The following MICALL1 variants were observed in gnomAD, a reference collection of about 807,000 sequenced individuals.
The protein encoded by MICALL1 is MICAL like 1.
A neutral mutation model predicts 83.7 loss-of-function variants in MICALL1; 61 were observed. The ratio of observed to expected loss-of-function variants is 0.73; its 90% CI spans 0.59 to 0.90. MICALL1 has a LOEUF of 0.90. MICALL1 is among the 40% of genes least tolerant of loss of function. The pLI, the probability that MICALL1 is intolerant of heterozygous loss-of-function variation, is 0.00. For missense variants in MICALL1, 1,066 were observed against 1,152.0 expected, an observed-to-expected ratio of 0.93 and a Z score of 1.08; for synonymous variants, 481 against 473.6, an observed-to-expected ratio of 1.02 and a Z score of -0.20.
rs1207018909 is a variant in MICALL1, at chr22:37,927,539, G to T, written c.1594G>T (p.Ala532Ser). The T allele has an allele frequency of 1.9e-6, 3 of 1,613,712 alleles. No homozygotes were observed. Among genetic ancestry groups the T allele is most frequent in the East Asian group, 2.2e-5 (1 of 44,864 alleles). Residue 532 changes from alanine (A) to serine (S), a missense_variant, in exon 9 of 16, where the codon GCT (alanine) becomes TCT (serine). Transcript: ENST00000215957. Reference protein sequence around the residue: ...TAGAELLEPPAVPKSSSEPAV... With the variant: ...TAGAELLEPPSVPKSSSEPAV... ...AGGTGCAGAGCTTCTGGAGCCGCCA[G>T]CTGTGCCCAAGAGCTCCTCAGAGCC... is the stretch of plus-strand genomic sequence containing the variant.
Position 37,937,092 on chromosome 22 carries a change from CGGA to C in MICALL1, c.2328_2330del (p.Glu776del). 6.4e-7 allele frequency: 1 copy of C among 1,551,460 alleles called. No homozygotes were observed. Among genetic ancestry groups the C allele is most frequent in the Non-Finnish European group, 8.7e-7 (1 of 1,146,918 alleles). On this transcript the variant is annotated inframe_deletion, in exon 14 of 16. Coordinates refer to ENST00000215957, the MANE Select transcript of MICALL1 (RefSeq NM_033386.4). The stretch of plus-strand genomic sequence containing the variant: ...TCTCCCTGGGCAGAAAAGGACTGGA[CGGA>C]GGAGGACCGGGCCCGGGAGAAGGTG...
intron 8 of MICALL1, 179 bp from the exon 9 acceptor site, chr22:37,927,232 A>C (rs1929500930): frequency 1.5e-6 from 1 of 670,874 alleles, no homozygotes; most frequent in Non-Finnish European, 2.3e-6. Context: ...GGCTGGATGC[A>C]CCTCATGACT....
At position 37,925,679 on chromosome 22, in the gene MICALL1, G is replaced by C; in HGVS notation, c.1101G>C (p.Lys367Asn). ...KPSEGTPAPR[K>N]DPPWITLVQA... ...CCTCCAGGACACCAGCCCCCAGGAA[G>C]GACCCCCCATGGATCACGCTGGTGC... The change falls in exon 8 of 16, where the codon AAG becomes AAC. Residue 367 changes from lysine (K) to asparagine (N), a missense_variant. Lys to Asn is a moderately conservative substitution (Grantham distance 94). Coordinates refer to ENST00000215957, the MANE Select transcript of MICALL1 (RefSeq NM_033386.4). The C allele has an allele frequency of 6.2e-7, 1 of 1,601,816 alleles. No homozygotes were observed. Among genetic ancestry groups the C allele is most frequent in the Non-Finnish European group, 8.5e-7 (1 of 1,173,874 alleles).
At position 37,927,488 on chromosome 22, in the gene MICALL1, T is replaced by C. The variant is rs1413684571; in HGVS notation, c.1543T>C (p.Ser515Pro). ...PSPALSVESL[S>P]SESASQTAGA... ...GCCAGCGCTCAGCGTGGAGAGCCTG[T>C]CGTCTGAGAGCGCCAGCCAGACTGC... The change falls in exon 9 of 16, where the codon TCG becomes CCG. Residue 515 changes from serine (S) to proline (P), a missense_variant. Physicochemically the swap from Ser to Pro is moderately conservative, Grantham distance 74. Transcript: ENST00000215957. 1.2e-6 allele frequency: 2 copies of C among 1,612,000 alleles called. No homozygotes were observed. Among genetic ancestry groups the C allele is most frequent in the East Asian group, 4.5e-5 (2 of 44,778 alleles).
chr22:37,922,428 TGAG>T lies in MICALL1; in HGVS notation c.1024+3_1024+5del, dbSNP rs1219881775. On this transcript the variant is annotated splice_donor_5th_base_variant and intron_variant, in intron 6 of 15. Coordinates refer to ENST00000215957, the MANE Select transcript of MICALL1 (RefSeq NM_033386.4). ...CTGGCAGCAGCAGCCTGGTGAACGG[TGAG>T]CAGGGTGCAGTCAGGGCAGGGGGCA... 1 of 1,515,150 alleles carries T rather than the reference TGAG, an allele frequency of 6.6e-7. No individual in the cohort carries two copies. The highest frequency in any genetic ancestry group is 8.8e-7 in the Non-Finnish European group (1 of 1,136,566). 93.9% of individuals were successfully genotyped at this position (1,515,150 alleles called of 1,614,324 possible).
At chr22:37,908,561 A>G (rs968365841) in intron 1 of MICALL1, among the ~76,000 whole-genome samples, 2 of 152,234 alleles carry the variant, frequency 1.3e-5, no homozygotes, top group South Asian at 4.1e-4. Flanking sequence ...CAGCCTCCCA[A>G]AATGCTGGGA....
chr22:37,929,259 G>A (rs1196461239), intron 9 of MICALL1, among the ~76,000 whole-genome samples: 19 of 152,204 alleles, frequency 1.2e-4, no homozygotes, highest in East Asian at 9.6e-4. Context: ...GGGTCTCCCC[G>A]CCATGGAACA....
chr22:37,934,280 G>A (rs1026558533), intron 13 of MICALL1, among the ~76,000 whole-genome samples: 5 of 152,186 alleles, frequency 3.3e-5, no homozygotes, highest in African/African-American at 7.2e-5. Flanking sequence ...CATTGCTTGG[G>A]GGCATCAGGC....
intron 9 of MICALL1, among the ~76,000 whole-genome samples, chr22:37,929,304 A>G (rs1468824866): frequency 2.6e-5 from 4 of 152,156 alleles, no homozygotes; most frequent in Non-Finnish European, 4.4e-5. Context: ...TCCCATGTGC[A>G]TGGCTGCCTG....
intron 3 of MICALL1, among the ~76,000 whole-genome samples, chr22:37,916,325 A>C (rs1208630630): frequency 6.6e-6 from 1 of 152,174 alleles, no homozygotes; most frequent in Non-Finnish European, 1.5e-5. Context: ...TACCTTCTCT[A>C]ATAAATCTGC....
At position 37,940,783 on chromosome 22, in the gene MICALL1, G is replaced by A. The variant is rs142703004; in HGVS notation, c.2545G>A (p.Gly849Arg). 43 of 1,614,028 alleles carry A rather than the reference G, an allele frequency of 2.7e-5. No homozygotes were observed. The highest frequency in any genetic ancestry group is 3.5e-5 in the Non-Finnish European group (41 of 1,180,006). The change falls in exon 16 of 16, where the codon GGA (glycine) becomes AGA (arginine). Residue 849 changes from glycine (G) to arginine (R), a missense_variant. Gly to Arg is a moderately radical substitution (Grantham distance 125). Coordinates refer to ENST00000215957, the MANE Select transcript of MICALL1 (RefSeq NM_033386.4). ...GACCATGAAGATGTTGAAACTGCTA[G>A]GAAACAAACGTGATGCCAAGAGCAA... Reference protein sequence around the residue: ...FKTMKMLKLLGNKRDAKSKSP... With the variant: ...FKTMKMLKLLRNKRDAKSKSP...
Position 37,918,936 on chromosome 22 carries a change from A to G in MICALL1, c.427-100A>G, listed in dbSNP as rs1928844743. 4 of 1,369,592 alleles carry G rather than the reference A, an allele frequency of 2.9e-6. No homozygotes were observed. In the South Asian group the frequency reaches 6.4e-5, roughly 22 times the overall value. The allele number at this position is 1,369,592 out of a possible 1,614,324, so 84.8% of individuals were successfully genotyped here. On this transcript the variant is annotated intron_variant, in intron 4 of 15. Coordinates refer to ENST00000215957, the MANE Select transcript of MICALL1 (RefSeq NM_033386.4). ...CACCACGAAGCCTGGTGCACACTTG[A>G]GTGACGGTGGCCGTTGGAGGGAGGG...
At chr22:37,913,498 G>T (rs76717136) in intron 3 of MICALL1, among the ~76,000 whole-genome samples, 133 of 152,326 alleles carry the variant, frequency 8.7e-4, no homozygotes, top group Non-Finnish European at 1.6e-3. Flanking sequence ...TTTTCCTCCA[G>T]CAGGGAAGTG....
At position 37,917,770 on chromosome 22, in the gene MICALL1, C is replaced by T; in HGVS notation, c.401C>T (p.Pro134Leu). 6.8e-6 allele frequency: 11 copies of T among 1,613,910 alleles called. No individual in the cohort carries two copies. The highest frequency in any genetic ancestry group is 8.5e-6 in the Non-Finnish European group (10 of 1,179,882). Residue 134 changes from proline to leucine, a missense_variant, in exon 4 of 16, where the codon CCA (proline) becomes CTA (leucine). Physicochemically the swap from Pro to Leu is moderately conservative, Grantham distance 98 (BLOSUM62 -3). Transcript: ENST00000215957. ...TCCCCGCCGTCTGTAGCACCCACTCCAGTGGAACCAGAAGATGTGGCTCAG... is the reference window on the plus strand; with the variant it reads ...TCCCCGCCGTCTGTAGCACCCACTCTAGTGGAACCAGAAGATGTGGCTCAG... ...PCSPPSVAPT[P>L]VEPEDVAQGE...
At chr22:37,937,242 T>G in intron 14 of MICALL1, 48 bp downstream of exon 14, 1 of 1,347,320 alleles carries the variant, frequency 7.4e-7, no homozygotes, top group Non-Finnish European at 1.0e-6. Flanking sequence ...CCAGAGCAGG[T>G]CAGGCTCTGG....
rs1208547981 is a variant in MICALL1 at position 37,929,738 on chromosome 22, C to A, written c.1881+1912C>A. Among the ~76,000 whole-genome samples the A allele has an allele frequency of 2.0e-5, 3 of 152,214 alleles. No homozygotes were observed. The East Asian group carries it at 5.8e-4, about 29-fold the overall frequency. On this transcript the variant is annotated intron_variant, in intron 9 of 15. Transcript: ENST00000215957. ...TCTGGGCACCCAGTTCATGAGGGCC[C>A]TGTCTTGCAGCCACAGCGCCTTTGG...
rs983455382 is a variant in MICALL1 at position 37,906,383 on chromosome 22, G to A, written c.-40G>A. The A allele has an allele frequency of 3.8e-6, 4 of 1,065,424 alleles. No homozygotes were observed. Among genetic ancestry groups the A allele is most frequent in the Middle Eastern group, 4.3e-4 (1 of 2,322 alleles). 66.0% of individuals were successfully genotyped at this position (1,065,424 alleles called of 1,614,324 possible). A position where few individuals can be genotyped will look rare whatever the true frequency, so the allele number is the denominator to read the frequency against. On this transcript the variant is annotated 5_prime_UTR_variant, in exon 1 of 16. Transcript: ENST00000215957. The surrounding 1 kb of genome is among the most constrained non-coding windows in gnomAD (Gnocchi z 4.4). ...CGGCCGCCGTCCCGGCCAAGCCGGG[G>A]CCCCGAAGCCAGAGCCGGAGCCGGG...
intron 5 of MICALL1, among the ~76,000 whole-genome samples, chr22:37,921,553 A>G (rs1482296742): frequency 6.6e-6 from 1 of 152,220 alleles, no homozygotes; most frequent in Non-Finnish European, 1.5e-5. Flanking sequence ...AGCCTGGACA[A>G]CAAGAGTGAG....
In MICALL1 at chr22:37,931,948, C is replaced by T. The variant is rs753999694; in HGVS notation, c.2016+15C>T. ...TCAAACGCAAGGTACCAGCTGGGAG[C>T]CCCCCGAGACCAGGCTGGCCTGGGC... On this transcript the variant is annotated intron_variant, in intron 10 of 15. Coordinates refer to ENST00000215957, the MANE Select transcript of MICALL1 (RefSeq NM_033386.4). 1.1e-5 allele frequency: 17 copies of T among 1,611,264 alleles called. No individual in the cohort carries two copies. In the East Asian group the frequency reaches 3.1e-4, roughly 30 times the overall value.
Sources: gnomAD v4.1 joint callset for allele counts (sites outside exome capture counted in the v4.1 genomes callset) on GRCh38, gnomAD v4.1.1 for gene constraint, Gnocchi (gnomAD v3.1) non-coding constraint, MANE v1.5 for transcripts, NCBI Gene and HGNC (gene_info 2026-07-23, HGNC 2026-07-21) for gene names.